The following DPH6 variants were observed in gnomAD, a reference collection of about 807,000 sequenced individuals.
DPH6 encodes the protein diphthamine biosynthesis 6.
A neutral mutation model predicts 38.2 loss-of-function variants in DPH6; 33 were observed. The observed-to-expected ratio is 0.86, with a 90% CI of 0.65 to 1.15. DPH6 has a LOEUF of 1.15. Ranked by LOEUF, DPH6 falls within the 50% of genes most tolerant of loss-of-function variation. DPH6 has a pLI of 0.00. For missense variants in DPH6, 325 were observed against 320.0 expected, an observed-to-expected ratio of 1.02 and a Z score of -0.12; for synonymous variants, 108 against 103.0, an observed-to-expected ratio of 1.05 and a Z score of -0.30.
chr15:35,489,337 TGA>T lies in DPH6; in HGVS notation c.313-34519_313-34518del, dbSNP rs547312893. 3.0e-5 allele frequency: 30 copies of T among 985,386 alleles called. No homozygotes were observed. The South Asian group carries it at 1.3e-3, about 42-fold the overall frequency. 61.0% of individuals were successfully genotyped at this position (985,386 alleles called of 1,614,324 possible). On this transcript the variant is annotated intron_variant, in intron 3 of 8. Transcript: ENST00000256538. ...GCAGTGATGAGAAATAAGAATTTTT[TGA>T]AAGTGCTCCAATCCCTGGTCCCAGT... is the stretch of plus-strand genomic sequence containing the variant.
At chr15:35,510,085 G>A (rs1241352639) in intron 3 of DPH6, among the ~76,000 whole-genome samples, 1 of 152,216 alleles carries the variant, frequency 6.6e-6, no homozygotes, top group Non-Finnish European at 1.5e-5. Flanking sequence ...GAATGGTTAC[G>A]TGTTCCTGTA....
chr15:35,371,400 T>A lies in DPH6; in HGVS notation c.*750A>T, dbSNP rs1291529023. ...ATGTAGGTTCATCAGTTGTAACAAA[T>A]GTACCACTCTATTATAAGACATTGA... On this transcript the variant is annotated 3_prime_UTR_variant, in exon 9 of 9. Coordinates refer to ENST00000256538, the MANE Select transcript of DPH6 (RefSeq NM_080650.4). 1 of 202,838 alleles carries A rather than the reference T, an allele frequency of 4.9e-6. No homozygotes were observed. The allele number at this position is 202,838 out of a possible 1,614,324, so 12.6% of individuals were successfully genotyped here.
At chr15:35,285,872 G>GGTTTTTTTTTTTTTTTTTTTTTT (rs1555391167) in intron 3 of DPH6, among the ~76,000 whole-genome samples, 1 of 52,794 alleles carries the variant, frequency 1.9e-5, no homozygotes, top group Non-Finnish European at 3.3e-5. Context: ...TTATCTTTGA[G>GGTTTTTTTTTTTTTTTTTTTTTT]TTTTTTTTTT....
At chr15:35,465,999 T>C (rs2054121585) in intron 3 of DPH6, among the ~76,000 whole-genome samples, 1 of 152,134 alleles carries the variant, frequency 6.6e-6, no homozygotes, top group African/African-American at 2.4e-5. Context: ...AGCACTACAG[T>C]TGTTTATTTT....
chr15:35,381,791 A>G (rs180966264), intron 7 of DPH6, 31 bp downstream of exon 7: 1 of 1,569,734 alleles, frequency 6.4e-7, no homozygotes, highest in East Asian at 2.2e-5. Context: ...AATTTATGGG[A>G]AAAAAAGAAA....
intron 3 of DPH6, among the ~76,000 whole-genome samples, chr15:35,342,792 C>T (rs2052432081): frequency 6.6e-6 from 1 of 152,136 alleles, no homozygotes; most frequent in African/African-American, 2.4e-5. Context: ...AATTCATCTT[C>T]ATCAGGTCTG....
chr15:35,269,395 T>C (rs2051806319), intron 3 of DPH6, among the ~76,000 whole-genome samples: 1 of 152,204 alleles, frequency 6.6e-6, no homozygotes, highest in African/African-American at 2.4e-5. Flanking sequence ...AAATGAGATG[T>C]TTAGACTTAT....
At chr15:35,297,691 A>G (rs1163087854) in intron 3 of DPH6, among the ~76,000 whole-genome samples, 1 of 151,950 alleles carries the variant, frequency 6.6e-6, no homozygotes, top group East Asian at 1.9e-4. Flanking sequence ...TTTCCATTTT[A>G]TATCTATAGC....
chr15:35,394,177 T>A (rs186752598), intron 6 of DPH6, among the ~76,000 whole-genome samples: 2 of 152,288 alleles, frequency 1.3e-5, no homozygotes, highest in African/African-American at 4.8e-5. Flanking sequence ...CACCATGCAC[T>A]CCATGGCTTC....
rs1466912001 is a variant in DPH6 at position 35,464,305 on chromosome 15, A to AT, written c.313-9486_313-9485insA. On this transcript the variant is annotated intron_variant, in intron 3 of 8. Transcript: ENST00000256538. ...AAGACTTTGTCTCAAAAAAAAAAAA[A>AT]AATAAGGCAAATATGTGACATAAGT... is the stretch of plus-strand genomic sequence containing the variant. Among the ~76,000 whole-genome samples the AT allele has an allele frequency of 1.8e-4, 27 of 152,248 alleles. No individual in the cohort carries two copies. The East Asian group carries it at 5.2e-3, about 29-fold the overall frequency.
chr15:35,451,437 G>A (rs1054692196), intron 4 of DPH6, among the ~76,000 whole-genome samples: 4 of 152,098 alleles, frequency 2.6e-5, no homozygotes, highest in African/African-American at 7.2e-5. Flanking sequence ...CTAAGTCCTT[G>A]TGCTTAGTTT....
chr15:35,472,745 A>G lies in DPH6; in HGVS notation c.313-17925T>C, dbSNP rs1488769107. Among the ~76,000 whole-genome samples, 13 of 152,114 alleles carry G rather than the reference A, an allele frequency of 8.5e-5. 1 individual carries two copies. The highest frequency in any genetic ancestry group is 8.5e-4 in the Admixed American group (13 of 15,256). On this transcript the variant is annotated intron_variant, in intron 3 of 8. Transcript: ENST00000256538. ...ATCAGCAAGAGACAAGTCCCAACAG[A>G]CTATTTTTTCACTCAGCAAATTATT... is the stretch of plus-strand genomic sequence containing the variant.
chr15:35,293,805 T>G (rs1017917563), intron 3 of DPH6, among the ~76,000 whole-genome samples: 1 of 152,200 alleles, frequency 6.6e-6, no homozygotes. Flanking sequence ...GGTGCAGAAT[T>G]AAAATGGAAA....
At chr15:35,469,142 T>C (rs2054166432) in intron 3 of DPH6, among the ~76,000 whole-genome samples, 1 of 152,112 alleles carries the variant, frequency 6.6e-6, no homozygotes, top group Non-Finnish European at 1.5e-5. Context: ...CAGCATTATG[T>C]ACCACACTTT....
intron 3 of DPH6, chr15:35,299,317 CT>C: frequency 9.7e-7 from 1 of 1,030,576 alleles, no homozygotes; most frequent in Non-Finnish European, 1.5e-6. Flanking sequence ...TTGTTTCGTC[CT>C]TTGGCTCTTT....
intron 3 of DPH6, among the ~76,000 whole-genome samples, chr15:35,488,640 C>A (rs962688921): frequency 1.3e-5 from 2 of 152,024 alleles, no homozygotes; most frequent in African/African-American, 4.8e-5. Context: ...ATGGGGATTA[C>A]AATTTGAGAT....
intron 3 of DPH6, among the ~76,000 whole-genome samples, chr15:35,264,852 T>C (rs557719821): frequency 2.6e-5 from 4 of 152,312 alleles, no homozygotes; most frequent in African/African-American, 7.2e-5. Flanking sequence ...AGAAGAAAGG[T>C]AGAGTGCCTA....
intron 6 of DPH6, among the ~76,000 whole-genome samples, chr15:35,383,064 A>T (rs951236488): frequency 1.3e-5 from 2 of 152,112 alleles, no homozygotes; most frequent in Non-Finnish European, 2.9e-5. Flanking sequence ...TTCTAATTAC[A>T]CCTTTATAAC....
intron 1 of DPH6, 78 bp downstream of exon 1, chr15:35,546,041 C>T (rs1266787377): frequency 7.9e-7 from 1 of 1,257,912 alleles, no homozygotes; most frequent in Non-Finnish European, 1.0e-6. Context: ...GAGACACCCA[C>T]TCTTTCGGCG....
Sources: gnomAD v4.1 joint callset for allele counts (sites outside exome capture counted in the v4.1 genomes callset) on GRCh38, gnomAD v4.1.1 for gene constraint, MANE v1.5 for transcripts, NCBI Gene and HGNC (gene_info 2026-07-23, HGNC 2026-07-21) for gene names.